HMCN1: variants seen among roughly 807,000 people sequenced by gnomAD.
HMCN1 encodes the protein hemicentin 1.
In HMCN1, 321 loss-of-function variants were observed where a neutral mutation model predicts 625.9. The observed-to-expected ratio is 0.51, with a 90% CI of 0.47 to 0.56. The LOEUF (loss-of-function observed/expected upper bound fraction) is 0.56. Among genes scored for constraint, HMCN1 ranks in the 20% least tolerant of loss-of-function variants. The pLI, the probability that HMCN1 is intolerant of heterozygous loss-of-function variation, is 0.00. For missense variants in HMCN1, 6,588 were observed against 6,887.3 expected (o/e 0.96, Z 1.54); for synonymous variants, 2,425 against 2,417.6 (o/e 1.00, Z -0.09).
Position 186,144,319 on chromosome 1 carries a change from G to A in HMCN1, c.14071G>A (p.Val4691Ile). 3.1e-6 allele frequency: 5 copies of A among 1,613,726 alleles called. No individual in the cohort carries two copies. The highest frequency in any genetic ancestry group is 4.2e-6 in the Non-Finnish European group (5 of 1,179,970). The change falls in exon 90 of 107, where the codon GTT (valine) becomes ATT (isoleucine). Residue 4691 changes from valine to isoleucine, a missense_variant. Val to Ile is a conservative substitution (Grantham distance 29). Around this residue, in one of 3 missense-constraint regions of HMCN1, gnomAD observed 1,954 missense variants for 2,013.1 expected, o/e 0.97. Transcript: ENST00000271588. ...YCDGAETQMQ[V>I]CNERNCPIHG... is the part of the protein sequence containing the mutation. The stretch of plus-strand genomic sequence containing the variant: ...TGATGGAGCAGAAACACAGATGCAA[G>A]TTTGCAATGAAAGAAATTGTCCAAG...
At position 186,037,812 on chromosome 1, in the gene HMCN1, G is replaced by C. The variant is rs1026948490; in HGVS notation, c.5750-122G>C. The C allele has an allele frequency of 1.0e-5, 7 of 695,874 alleles. No homozygotes were observed. In the East Asian group the frequency reaches 1.4e-4, roughly 13 times the overall value. The allele number at this position is 695,874 out of a possible 1,614,324, so 43.1% of individuals were successfully genotyped here. A position where few individuals can be genotyped will look rare whatever the true frequency, so the allele number is the denominator to read the frequency against. ...TAATAGTTTACTTTTATTCCAAATA[G>C]GTCAGTGTATATATGTGAAAAAAAG... On this transcript the variant is annotated intron_variant, in intron 36 of 106. Coordinates refer to ENST00000271588, the MANE Select transcript of HMCN1 (RefSeq NM_031935.3).
chr1:186,008,176 A>C (rs190625541), intron 30 of HMCN1, among the ~76,000 whole-genome samples: 1 of 152,096 alleles, frequency 6.6e-6, no homozygotes, highest in Non-Finnish European at 1.5e-5. Flanking sequence ...TTTGTTTTGC[A>C]TGTTCCCTAC....
chr1:185,964,616 T>C (rs1650264264), intron 13 of HMCN1, among the ~76,000 whole-genome samples: 1 of 152,078 alleles, frequency 6.6e-6, no homozygotes, highest in African/African-American at 2.4e-5. Flanking sequence ...ATTGAGAGCC[T>C]GGAAAGAAGT....
chr1:186,019,473 C>A, intron 34 of HMCN1, 68 bp from the exon 35 acceptor site: 7 of 1,120,932 alleles, frequency 6.2e-6, no homozygotes, highest in Non-Finnish European at 9.5e-6. Flanking sequence ...CAGGTTCTTG[C>A]ATACATATTT....
At chr1:185,802,941 T>C (rs566513596) in intron 1 of HMCN1, among the ~76,000 whole-genome samples, 1 of 152,100 alleles carries the variant, frequency 6.6e-6, no homozygotes, top group East Asian at 1.9e-4. Flanking sequence ...CTTGAAAGCT[T>C]TAAAAGCTAT....
Position 186,167,756 on chromosome 1 carries a change from T to A in HMCN1, c.15574+814T>A, listed in dbSNP as rs189154897. Among the ~76,000 whole-genome samples, 22 of 152,334 alleles carry A rather than the reference T, an allele frequency of 1.4e-4. No individual in the cohort carries two copies. The East Asian group carries it at 4.2e-3, about 29-fold the overall frequency. ...CATACAATTGTGCAGACTTTTTAGA[T>A]TGCCTTCTTTCACTTAGTAACATTT... On this transcript the variant is annotated intron_variant, in intron 100 of 106. Coordinates refer to ENST00000271588, the MANE Select transcript of HMCN1 (RefSeq NM_031935.3).
chr1:186,066,987 G>A (rs956068993), intron 49 of HMCN1, among the ~76,000 whole-genome samples: 5 of 151,958 alleles, frequency 3.3e-5, no homozygotes, highest in Admixed American at 2.0e-4. Flanking sequence ...ATTGCTTGTC[G>A]GGCATTTCCA....
intron 1 of HMCN1, among the ~76,000 whole-genome samples, chr1:185,809,826 T>C (rs1659401608): frequency 6.6e-6 from 1 of 152,146 alleles, no homozygotes; most frequent in African/African-American, 2.4e-5. Flanking sequence ...CTTAAGATAC[T>C]TTTTGAAACA....
intron 6 of HMCN1, among the ~76,000 whole-genome samples, chr1:185,917,382 C>T (rs537795601): frequency 9.2e-5 from 14 of 152,226 alleles, no homozygotes; most frequent in African/African-American, 3.4e-4. Flanking sequence ...AGGCGTTGAA[C>T]TTGGAATAAT....
intron 42 of HMCN1, among the ~76,000 whole-genome samples, chr1:186,052,052 A>T (rs917418582): frequency 3.3e-5 from 5 of 151,988 alleles, no homozygotes; most frequent in Non-Finnish European, 5.9e-5. Context: ...TTCATACAGA[A>T]TGATGGCAGG....
intron 89 of HMCN1, among the ~76,000 whole-genome samples, chr1:186,142,344 C>CT (rs1243284427): frequency 6.6e-6 from 1 of 152,148 alleles, no homozygotes; most frequent in Non-Finnish European, 1.5e-5. Flanking sequence ...GGACCTCATT[C>CT]TTTTTTATGG....
chr1:185,930,761 A>C (rs1667503035), intron 10 of HMCN1, among the ~76,000 whole-genome samples: 1 of 152,134 alleles, frequency 6.6e-6, no homozygotes, highest in Non-Finnish European at 1.5e-5. Context: ...TCTTTTATTG[A>C]ATATAAACAC....
intron 8 of HMCN1, 134 bp downstream of exon 8, chr1:185,923,787 T>G: frequency 1.3e-6 from 1 of 757,426 alleles, no homozygotes; most frequent in Non-Finnish European, 2.2e-6. Context: ...TTGATGGATA[T>G]TTACATGTAC....
At chr1:186,058,904 A>T (rs903128246) in intron 46 of HMCN1, among the ~76,000 whole-genome samples, 3 of 152,036 alleles carry the variant, frequency 2.0e-5, no homozygotes, top group African/African-American at 4.8e-5. Flanking sequence ...GGAAGAATGT[A>T]CATTACCATT....
intron 1 of HMCN1, among the ~76,000 whole-genome samples, chr1:185,769,503 G>A (rs1432934950): frequency 6.6e-6 from 1 of 152,104 alleles, no homozygotes; most frequent in Non-Finnish European, 1.5e-5. Flanking sequence ...AAGCCTAATT[G>A]ATGAGAAATA....
chr1:186,146,029 GA>G (rs11358358), intron 93 of HMCN1, 106 bp downstream of exon 93: 49,560 of 822,438 alleles, frequency 0.06, 695 homozygotes, highest in African/African-American at 0.19. Flanking sequence ...GGTGGAATTA[GA>G]AAAAAAAAAA....
chr1:185,899,474 A>G (rs888930324), intron 4 of HMCN1, among the ~76,000 whole-genome samples: 1 of 152,146 alleles, frequency 6.6e-6, no homozygotes, highest in African/African-American at 2.4e-5. Flanking sequence ...TCGACTTTTA[A>G]CAATTTGAAA....
intron 47 of HMCN1, among the ~76,000 whole-genome samples, 175 bp from the exon 48 acceptor site, chr1:186,062,339 C>T (rs1431026596): frequency 6.6e-6 from 1 of 152,048 alleles, no homozygotes; most frequent in Admixed American, 6.6e-5. Flanking sequence ...GGATTTATGA[C>T]TTTAAAAGTA....
intron 26 of HMCN1, among the ~76,000 whole-genome samples, chr1:186,000,559 A>ATATGTG (rs1553272397): frequency 8.3e-5 from 12 of 144,652 alleles, no homozygotes; most frequent in African/African-American, 2.0e-4. Flanking sequence ...GTGTGTGTGT[A>ATATGTG]TGTGTGTGTG....
Sources: gnomAD v4.1 joint callset for allele counts (sites outside exome capture counted in the v4.1 genomes callset) on GRCh38, gnomAD v4.1.1 for gene constraint, gnomAD v4.1.1 regional missense constraint, MANE v1.5 for transcripts, NCBI Gene and HGNC (gene_info 2026-07-23, HGNC 2026-07-21) for gene names.